DCHS2: variants seen among roughly 807,000 people sequenced by gnomAD.
DCHS2 encodes the protein dachsous cadherin-related 2.
DCHS2 carries 142 observed loss-of-function variants against 182.4 expected under a neutral mutation model. The ratio of observed to expected loss-of-function variants is 0.78; its 90% CI spans 0.68 to 0.89. The LOEUF (loss-of-function observed/expected upper bound fraction) is 0.89, where lower values mean the gene tolerates loss of function less well. Among genes scored for constraint, DCHS2 ranks in the 40% least tolerant of loss-of-function variants. The pLI, the probability that DCHS2 is intolerant of heterozygous loss-of-function variation, is 0.00. For missense variants in DCHS2, 4,319 were observed against 4,198.6 expected, an observed-to-expected ratio of 1.03 and a Z score of -0.79; for synonymous variants, 1,740 against 1,663.3, an observed-to-expected ratio of 1.05 and a Z score of -1.12.
At chr4:154,319,539 A>C (rs1735976011) in intron 9 of DCHS2, among the ~76,000 whole-genome samples, 1 of 151,946 alleles carries the variant, frequency 6.6e-6, no homozygotes, top group African/African-American at 2.4e-5. Context: ...ATCTCCAAAA[A>C]AGACATACAA....
intron 7 of DCHS2, chr4:154,323,080 T>C: frequency 2.9e-6 from 3 of 1,035,540 alleles, no homozygotes; most frequent in Non-Finnish European, 4.1e-6. Context: ...ATCTCTCTAT[T>C]TGTCCTTGCA....
chr4:154,407,049 T>C (rs1311991315), intron 1 of DCHS2, among the ~76,000 whole-genome samples: 1 of 152,252 alleles, frequency 6.6e-6, no homozygotes, highest in Non-Finnish European at 1.5e-5. Flanking sequence ...ATCCTGAGAC[T>C]GTCCCACACA....
rs1578954595 is a variant in DCHS2, at chr4:154,315,758, G to A, written c.5250C>T (p.Asp1750=). 6.2e-7 allele frequency: 1 copy of A among 1,613,434 alleles called. No individual in the cohort carries two copies. Among genetic ancestry groups the A allele is most frequent in the South Asian group, 1.1e-5 (1 of 91,068 alleles). The change falls in exon 10 of 20, where the codon GAC becomes GAT. Residue 1750 remains aspartate (D), a synonymous_variant. Coordinates refer to ENST00000357232, the MANE Select transcript of DCHS2 (RefSeq NM_001358235.2). ...GEFVTRVEAL[D]RDSGVNSKLQ... ...GTATTTCTAAATTACCTGAATCTCTGTCCAGAGCTTCAACCCTGGTAACAA... is the reference window on the plus strand; with the variant it reads ...GTATTTCTAAATTACCTGAATCTCTATCCAGAGCTTCAACCCTGGTAACAA...
chr4:154,415,484 A>G (rs1732795295), intron 1 of DCHS2, among the ~76,000 whole-genome samples: 1 of 152,164 alleles, frequency 6.6e-6, no homozygotes, highest in Admixed American at 6.6e-5. Context: ...TCCTACTCCT[A>G]AATCTGCTCT....
chr4:154,411,977 A>G (rs1001280530), intron 1 of DCHS2, among the ~76,000 whole-genome samples: 5 of 152,260 alleles, frequency 3.3e-5, no homozygotes, highest in Admixed American at 3.3e-4. Context: ...TTATAATGTA[A>G]TGTTTATGGG....
intron 2 of DCHS2, among the ~76,000 whole-genome samples, chr4:154,369,518 T>C (rs1730541242): frequency 1.3e-5 from 2 of 152,226 alleles, no homozygotes; most frequent in Non-Finnish European, 2.9e-5. Context: ...GTCCAGCTCA[T>C]GGAAACTGTT....
chr4:154,292,339 G>C (rs1242132426), intron 13 of DCHS2, among the ~76,000 whole-genome samples: 1 of 152,088 alleles, frequency 6.6e-6, no homozygotes, highest in Admixed American at 6.5e-5. Context: ...TCTGATTTCA[G>C]GGACTGATTT....
At position 154,332,471 on chromosome 4, in the gene DCHS2, G is replaced by A. The variant is rs906651006; in HGVS notation, c.3730+7C>T. 3 of 1,601,606 alleles carry A rather than the reference G, an allele frequency of 1.9e-6. No individual in the cohort carries two copies. The highest frequency in any genetic ancestry group is 8.5e-7 in the Non-Finnish European group (1 of 1,172,158). On this transcript the variant is annotated splice_region_variant and intron_variant, in intron 5 of 19. Coordinates refer to ENST00000357232, the MANE Select transcript of DCHS2 (RefSeq NM_001358235.2). ...TAAAGGAATAGGTGGAAACTATGAA[G>A]TGCTACCTGTATTAGGATTCATCTT...
chr4:154,457,842 C>T lies in DCHS2; in HGVS notation c.2052+31462G>A, dbSNP rs571040123. Among the ~76,000 whole-genome samples the T allele has an allele frequency of 1.4e-3, 207 of 152,260 alleles. 1 individual carries two copies. The highest frequency in any genetic ancestry group is 3.5e-4 in the Non-Finnish European group (24 of 68,018). On this transcript the variant is annotated intron_variant, in intron 1 of 19. Coordinates refer to ENST00000357232, the MANE Select transcript of DCHS2 (RefSeq NM_001358235.2). ...GGAGCACGAGAATTTGCATTTTTAA[C>T]GAGTTCTCTGGTGTTGTTGATGCTG...
chr4:154,400,302 C>CAAAAAAAAAAAAAAAA (rs56268638), intron 1 of DCHS2, among the ~76,000 whole-genome samples: 13 of 91,432 alleles, frequency 1.4e-4, no homozygotes, highest in Admixed American at 2.8e-4. Context: ...GACTTCGTCT[C>CAAAAAAAAAAAAAAAA]AAAAAAAAAA....
At position 154,266,829 on chromosome 4, in the gene DCHS2, T is replaced by C. The variant is rs190222802; in HGVS notation, c.6577+3071A>G. Among the ~76,000 whole-genome samples the C allele has an allele frequency of 1.4e-3, 219 of 152,336 alleles. 1 individual carries two copies. The highest frequency in any genetic ancestry group is 1.7e-3 in the Non-Finnish European group (113 of 68,034). ...GAAACACTTGAGCAAATTTCAGTAATGTCTACATTGTTCGTTCTGCTTTAG... is the reference window on the plus strand; with the variant it reads ...GAAACACTTGAGCAAATTTCAGTAACGTCTACATTGTTCGTTCTGCTTTAG... On this transcript the variant is annotated intron_variant, in intron 14 of 19. Transcript: ENST00000357232.
intron 1 of DCHS2, among the ~76,000 whole-genome samples, chr4:154,463,169 A>ATT (rs1300517161): frequency 1.6e-5 from 1 of 61,070 alleles, no homozygotes; most frequent in Non-Finnish European, 4.1e-5. Context: ...GTGTGTATAT[A>ATT]TATATACACA....
intron 1 of DCHS2, among the ~76,000 whole-genome samples, chr4:154,425,901 A>G (rs1733304742): frequency 6.6e-6 from 1 of 152,212 alleles, no homozygotes; most frequent in African/African-American, 2.4e-5. Context: ...ATTCAGTATC[A>G]CACTCAATTT....
At chr4:154,259,516 A>C in intron 15 of DCHS2, 29 bp downstream of exon 15, 1 of 1,610,128 alleles carries the variant, frequency 6.2e-7, no homozygotes. Context: ...ACACACACAC[A>C]CACACACACA....
chr4:154,269,873 A>C, intron 14 of DCHS2, 27 bp downstream of exon 14: 3 of 1,592,140 alleles, frequency 1.9e-6, no homozygotes, highest in Non-Finnish European at 2.6e-6. Flanking sequence ...CAGAAAATAA[A>C]GCTAGTATAG....
At chr4:154,442,836 A>G (rs1734094876) in intron 1 of DCHS2, among the ~76,000 whole-genome samples, 1 of 151,974 alleles carries the variant, frequency 6.6e-6, no homozygotes, top group African/African-American at 2.4e-5. Context: ...CTTGGTCACT[A>G]GTTTTCTTAT....
At chr4:154,421,168 T>C (rs1288760559) in intron 1 of DCHS2, among the ~76,000 whole-genome samples, 3 of 152,172 alleles carry the variant, frequency 2.0e-5, no homozygotes, top group African/African-American at 7.2e-5. Flanking sequence ...TTTAGCTACA[T>C]AGAGGACTTA....
At chr4:154,277,478 G>A (rs1014887799) in intron 13 of DCHS2, among the ~76,000 whole-genome samples, 11 of 152,034 alleles carry the variant, frequency 7.2e-5, no homozygotes, top group Non-Finnish European at 1.2e-4. Flanking sequence ...GGGTAGTCAC[G>A]TACATAAGCC....
chr4:154,271,246 G>C (rs1243941241), intron 13 of DCHS2, among the ~76,000 whole-genome samples: 2 of 152,122 alleles, frequency 1.3e-5, no homozygotes, highest in East Asian at 1.9e-4. Flanking sequence ...AGGGAGATAA[G>C]TGTGGCTTTA....
Sources: allele counts gnomAD v4.1 joint callset (sites outside exome capture counted in the v4.1 genomes callset), GRCh38; gene constraint gnomAD v4.1.1; transcripts MANE v1.5; gene names NCBI Gene and HGNC (gene_info 2026-07-23, HGNC 2026-07-21).